Variants in ANK2 observed in about 807,000 individuals in gnomAD.
ANK2 encodes the protein ankyrin-2.
A neutral mutation model predicts 360.5 loss-of-function variants in ANK2; 83 were observed. The observed-to-expected ratio is 0.23, with a 90% CI of 0.19 to 0.28. ANK2 has a LOEUF of 0.28. Among genes scored for constraint, ANK2 ranks in the 10% least tolerant of loss-of-function variants. The pLI is 1.00. For missense variants in ANK2, 4,201 were observed against 4,795.7 expected (o/e 0.88, Z 3.66); for synonymous variants, 1,740 against 1,759.5 (o/e 0.99, Z 0.28).
At chr4:113,183,018 T>C (rs1011578559) in intron 2 of ANK2, among the ~76,000 whole-genome samples, 1 of 152,044 alleles carries the variant, frequency 6.6e-6, no homozygotes, top group African/African-American at 2.4e-5. Flanking sequence ...GAAGTGGGGA[T>C]GGAGCTTGGT....
intron 2 of ANK2, among the ~76,000 whole-genome samples, chr4:113,012,638 A>G (rs1431799648): frequency 3.3e-5 from 5 of 152,230 alleles, no homozygotes; most frequent in East Asian, 3.9e-4. Context: ...TTATCACTAT[A>G]TCTGTTAATT....
intron 1 of ANK2, among the ~76,000 whole-genome samples, chr4:112,895,597 T>C (rs139975615): frequency 3.3e-5 from 5 of 152,298 alleles, no homozygotes; most frequent in African/African-American, 1.2e-4. Flanking sequence ...TTTGCTATTA[T>C]GCTCAGATAG....
chr4:112,788,516 G>A, the ANK2 span: 1 of 1,576,698 alleles, frequency 6.3e-7, no homozygotes, highest in African/African-American at 1.3e-5. Flanking sequence ...CCCTTTGCCA[G>A]CAGCTTTCTT....
At chr4:113,347,904 G>T in intron 35 of ANK2, 1 of 207,640 alleles carries the variant, frequency 4.8e-6, no homozygotes, top group South Asian at 9.9e-5. Context: ...ATGCTTATTT[G>T]TAGCTTTTAG....
intron 1 of ANK2, among the ~76,000 whole-genome samples, chr4:113,072,658 A>G (rs1411168804): frequency 6.6e-6 from 1 of 151,842 alleles, no homozygotes; most frequent in Non-Finnish European, 1.5e-5. Context: ...GCAATGCATT[A>G]TGCAATACTC....
At chr4:113,372,349 A>G (rs1169928293) in intron 43 of ANK2, among the ~76,000 whole-genome samples, 1 of 152,164 alleles carries the variant, frequency 6.6e-6, no homozygotes, top group Non-Finnish European at 1.5e-5. Flanking sequence ...ACAACAAAAA[A>G]CCAAAACACT....
Position 113,341,707 on chromosome 4 carries a change from C to T in ANK2, c.3913C>T (p.Arg1305Ter). Residue 1305 changes from arginine (R) to a stop codon, truncating the protein, a stop_gained, in exon 33 of 46, where the codon CGA becomes TGA. Transcript: ENST00000357077. LOFTEE classifies it high-confidence loss of function. The part of the protein sequence containing the change: ...VSARFWLIDC[R>*]QIQESVTFAS... Reference sequence around the variant, plus strand: ...TAATAGGTTCTGGCTGATAGATTGTCGACAGATCCAGGAATCCGTTACTTT... The same window carrying T: ...TAATAGGTTCTGGCTGATAGATTGTTGACAGATCCAGGAATCCGTTACTTT... The T allele has an allele frequency of 6.2e-7, 1 of 1,614,052 alleles. No individual in the cohort carries two copies. Among genetic ancestry groups the T allele is most frequent in the Non-Finnish European group, 8.5e-7 (1 of 1,180,010 alleles).
chr4:113,025,886 T>C (rs566729422), intron 2 of ANK2, among the ~76,000 whole-genome samples: 4 of 152,228 alleles, frequency 2.6e-5, no homozygotes, highest in East Asian at 1.9e-4. Flanking sequence ...CTTTAAGAAG[T>C]AGGCAATGAT....
intron 1 of ANK2, among the ~76,000 whole-genome samples, chr4:113,081,468 T>A (rs1046505601): frequency 6.6e-6 from 1 of 152,218 alleles, no homozygotes. Context: ...TCTCGTAGTA[T>A]GACATTAGGA....
chr4:112,842,446 C>A (rs1442963017), intron 1 of ANK2, among the ~76,000 whole-genome samples: 1 of 152,202 alleles, frequency 6.6e-6, no homozygotes, highest in Non-Finnish European at 1.5e-5. Context: ...ATCCAGTGGT[C>A]CCCAACCTTT....
At chr4:113,297,085 G>C (rs1484030367) in intron 22 of ANK2, among the ~76,000 whole-genome samples, 3 of 152,144 alleles carry the variant, frequency 2.0e-5, no homozygotes, top group African/African-American at 7.2e-5. Flanking sequence ...AATCAGGGGA[G>C]GAGGGGATAG....
intron 1 of ANK2, among the ~76,000 whole-genome samples, chr4:113,162,692 T>G (rs552907153): frequency 6.6e-6 from 1 of 151,874 alleles, no homozygotes; most frequent in East Asian, 1.9e-4. Flanking sequence ...CTGGGTCTAC[T>G]TTTCCCACTT....
At chr4:113,214,823 GAAATGCCA>G in intron 4 of ANK2, among the ~76,000 whole-genome samples, 1 of 151,984 alleles carries the variant, frequency 6.6e-6, no homozygotes, top group Admixed American at 6.6e-5. Flanking sequence ...TAATAATTTT[GAAATGCCA>G]TGAAATCATA....
intron 2 of ANK2, among the ~76,000 whole-genome samples, chr4:113,185,651 C>A (rs1562718886): frequency 6.6e-6 from 1 of 152,102 alleles, no homozygotes; most frequent in Non-Finnish European, 1.5e-5. Flanking sequence ...TTTCCCCATT[C>A]TGTAGGTTGC....
intron 1 of ANK2, among the ~76,000 whole-genome samples, chr4:112,883,239 A>G (rs1182071282): frequency 2.0e-5 from 3 of 151,536 alleles, no homozygotes; most frequent in Admixed American, 6.6e-5. Flanking sequence ...AGGTTTTGCC[A>G]TGTTGGCCAG....
At chr4:113,017,170 AG>A (rs1018262492) in intron 2 of ANK2, among the ~76,000 whole-genome samples, 9 of 152,178 alleles carry the variant, frequency 5.9e-5, no homozygotes, top group African/African-American at 2.2e-4. Flanking sequence ...TTTCTCTGTA[AG>A]GGTTTGTTTA....
chr4:113,057,427 T>C (rs1441582836), intron 1 of ANK2, among the ~76,000 whole-genome samples: 1 of 152,128 alleles, frequency 6.6e-6, no homozygotes, highest in Admixed American at 6.6e-5. Flanking sequence ...AGGCATATAA[T>C]TCCAAATTAC....
intron 1 of ANK2, among the ~76,000 whole-genome samples, chr4:112,880,082 A>C (rs1324842529): frequency 2.6e-5 from 4 of 152,128 alleles, no homozygotes; most frequent in African/African-American, 7.2e-5. Context: ...TCTCACACAC[A>C]CACACACACA....
Position 113,293,430 on chromosome 4 carries a change from C to A in ANK2, c.2377-10C>A. 3.1e-6 allele frequency: 5 copies of A among 1,610,296 alleles called. No individual in the cohort carries two copies. The highest frequency in any genetic ancestry group is 4.2e-6 in the Non-Finnish European group (5 of 1,177,438). On this transcript the variant is annotated splice_polypyrimidine_tract_variant and intron_variant, in intron 21 of 45. Transcript: ENST00000357077. ...TATTTCTCACTCTCTCTCTTTCACT[C>A]TCTCTTCAGAATGGCAACACTGCCT...
Sources: gnomAD v4.1 joint callset for allele counts (sites outside exome capture counted in the v4.1 genomes callset) on GRCh38, gnomAD v4.1.1 for gene constraint, MANE v1.5 for transcripts, NCBI Gene and HGNC (gene_info 2026-07-23, HGNC 2026-07-21) for gene names.